SLC68A1: variants seen among roughly 807,000 people sequenced by gnomAD.
The protein encoded by SLC68A1 is major facilitator superfamily domain containing 13A.
At chr10:102,476,475 G>A in the SLC68A1 span, 10 of 983,956 alleles carry the variant, frequency 1.0e-5, no homozygotes, top group Non-Finnish European at 1.1e-5. Flanking sequence ...AAAGTGCTGG[G>A]AATACAGGCA....
At chr10:102,464,858 C>T in the SLC68A1 span, among the ~76,000 whole-genome samples, 1 of 151,392 alleles carries the variant, frequency 6.6e-6, no homozygotes, top group African/African-American at 2.4e-5. Context: ...GTGGCTCACA[C>T]CTGTAATCCC....
chr10:102,464,130 G>T, the SLC68A1 span, among the ~76,000 whole-genome samples: 1 of 152,170 alleles, frequency 6.6e-6, no homozygotes, highest in Non-Finnish European at 1.5e-5. Context: ...ACAGGCATGA[G>T]CCACAACGCC....
the SLC68A1 span, chr10:102,472,946 G>A: frequency 2.5e-6 from 4 of 1,613,104 alleles, no homozygotes; most frequent in Non-Finnish European, 3.4e-6. Flanking sequence ...GCTCCATCCT[G>A]TTGGGTGAGT....
chr10:102,475,451 G>C, the SLC68A1 span, among the ~76,000 whole-genome samples: 6 of 152,168 alleles, frequency 3.9e-5, no homozygotes, highest in African/African-American at 1.4e-4. Context: ...GAGTTGGGGG[G>C]AGATGAAGGA....
the SLC68A1 span, among the ~76,000 whole-genome samples, chr10:102,464,272 G>A: frequency 3.3e-5 from 5 of 152,094 alleles, no homozygotes; most frequent in African/African-American, 9.7e-5. Flanking sequence ...CCAACGTGGC[G>A]AAACCCCGTC....
the SLC68A1 span, among the ~76,000 whole-genome samples, chr10:102,467,834 T>A: frequency 6.6e-6 from 1 of 152,230 alleles, no homozygotes; most frequent in East Asian, 1.9e-4. Flanking sequence ...TTTTTTGTAT[T>A]TTTAGTAGAG....
At chr10:102,467,074 G>A in the SLC68A1 span, among the ~76,000 whole-genome samples, 4 of 152,218 alleles carry the variant, frequency 2.6e-5, no homozygotes, top group East Asian at 1.9e-4. Flanking sequence ...GTCTTGCTCC[G>A]TCGCCCAGGC....
chr10:102,468,965 G>T, the SLC68A1 span: 3 of 1,456,214 alleles, frequency 2.1e-6, no homozygotes, highest in Non-Finnish European at 1.9e-6. Context: ...GGACGAGGAT[G>T]GGAAGACCGC....
chr10:102,474,611 G>A, the SLC68A1 span, among the ~76,000 whole-genome samples: 52 of 152,224 alleles, frequency 3.4e-4, no homozygotes, highest in African/African-American at 1.2e-3. Context: ...TCAGGGCAGT[G>A]TTGGAAGCAA....
the SLC68A1 span, chr10:102,474,096 T>A: frequency 7.1e-7 from 1 of 1,415,318 alleles, no homozygotes; most frequent in Non-Finnish European, 9.4e-7. Context: ...GCCTGGGCTC[T>A]GGGTCCAGTG....
chr10:102,462,007 G>T, the SLC68A1 span: 1 of 152,286 alleles, frequency 6.6e-6, no homozygotes, highest in African/African-American at 2.4e-5. Flanking sequence ...AAACTCCTCA[G>T]TGGCTTGGGA....
the SLC68A1 span, chr10:102,471,380 G>A: frequency 6.2e-7 from 1 of 1,612,958 alleles, no homozygotes; most frequent in Non-Finnish European, 8.5e-7. Context: ...TGGTTCGTGA[G>A]CATGGACCTG....
chr10:102,475,759 G>C, the SLC68A1 span: 1 of 1,613,130 alleles, frequency 6.2e-7, no homozygotes, highest in Admixed American at 1.7e-5. Context: ...TAACCCCTGT[G>C]GGGAGTGCCC....
chr10:102,475,430 GA>G, the SLC68A1 span, among the ~76,000 whole-genome samples: 4 of 152,182 alleles, frequency 2.6e-5, no homozygotes, highest in Non-Finnish European at 4.4e-5. Context: ...TGGCAGGTGG[GA>G]TACGTTTTGG....
the SLC68A1 span, chr10:102,476,075 G>GTTTTTTTT: frequency 9.0e-7 from 1 of 1,112,672 alleles, no homozygotes; most frequent in Non-Finnish European, 1.1e-6. Flanking sequence ...GGATTTCATA[G>GTTTTTTTT]TTTTTTTTTT....
At chr10:102,476,949 T>C in the SLC68A1 span, 15 of 985,706 alleles carry the variant, frequency 1.5e-5, no homozygotes, top group Middle Eastern at 5.2e-4. Context: ...TGAAGTGGCA[T>C]GCCTCCTCTG....
the SLC68A1 span, chr10:102,476,073 T>TA: frequency 8.0e-7 from 1 of 1,255,442 alleles, no homozygotes; most frequent in Admixed American, 4.2e-5. Context: ...AAGGATTTCA[T>TA]AGTTTTTTTT....
chr10:102,473,473 G>T, the SLC68A1 span: 1 of 1,243,954 alleles, frequency 8.0e-7, no homozygotes. Flanking sequence ...CCAGTGCATC[G>T]CTAGTGTACA....
chr10:102,476,692 CAGG>C, the SLC68A1 span: 17 of 986,272 alleles, frequency 1.7e-5, no homozygotes, highest in Admixed American at 2.5e-4. Context: ...TCTTGTAAGG[CAGG>C]AGGACAGAAG....
Sources: gnomAD v4.1 joint callset for allele counts (sites outside exome capture counted in the v4.1 genomes callset) on GRCh38, gnomAD v4.1.1 for gene constraint, MANE v1.5 for transcripts, NCBI Gene and HGNC (gene_info 2026-07-23, HGNC 2026-07-21) for gene names.